Variants in EXOC4 observed in about 807,000 individuals in gnomAD.
EXOC4 encodes exocyst complex component 4, also known as SEC8-like 1.
A neutral mutation model predicts 107.2 loss-of-function variants in EXOC4; 71 were observed. That is an observed-to-expected ratio of 0.66 (90% CI 0.55 to 0.81). EXOC4 has a LOEUF of 0.81. Ranked by LOEUF, EXOC4 falls within the 30% of genes least tolerant of loss-of-function variation. The pLI, the probability that EXOC4 is intolerant of heterozygous loss-of-function variation, is 0.00. For synonymous variants in EXOC4, 456 were observed against 441.2 expected (o/e 1.03, Z -0.42); for missense variants, 1,108 against 1,189.6 (o/e 0.93, Z 1.01).
intron 6 of EXOC4, among the ~76,000 whole-genome samples, chr7:133,369,021 A>C (rs1214027173): frequency 2.0e-5 from 3 of 152,126 alleles, no homozygotes; most frequent in Admixed American, 2.0e-4. Context: ...CTTTTATTTA[A>C]TATTTTCTGT....
intron 11 of EXOC4, among the ~76,000 whole-genome samples, chr7:133,852,318 G>A (rs1798254730): frequency 6.6e-6 from 1 of 151,770 alleles, no homozygotes; most frequent in South Asian, 2.1e-4. Context: ...TGCCTCCCGG[G>A]TTCAAGCCAT....
At chr7:133,910,873 A>G (rs187710593) in intron 12 of EXOC4, among the ~76,000 whole-genome samples, 15 of 152,304 alleles carry the variant, frequency 9.8e-5, no homozygotes, top group Admixed American at 1.3e-4. Flanking sequence ...ATTGAATCCA[A>G]TTAGCCCCAC....
At chr7:133,654,125 G>A (rs375113135) in intron 10 of EXOC4, among the ~76,000 whole-genome samples, 4 of 152,080 alleles carry the variant, frequency 2.6e-5, no homozygotes, top group East Asian at 1.9e-4. Context: ...TTACAGCACC[G>A]GTTCTATGCA....
chr7:134,083,655 T>C, the EXOC4 span, among the ~76,000 whole-genome samples: 1 of 152,140 alleles, frequency 6.6e-6, no homozygotes, highest in South Asian at 2.1e-4. Flanking sequence ...TTCAGCAGGG[T>C]AGTCGGACTT....
chr7:133,786,279 C>T (rs1796567582), intron 10 of EXOC4, among the ~76,000 whole-genome samples: 1 of 152,140 alleles, frequency 6.6e-6, no homozygotes, highest in Non-Finnish European at 1.5e-5. Context: ...ATTACAAGAC[C>T]CAGTTATCGC....
chr7:133,315,632 A>G (rs954610137), intron 4 of EXOC4, among the ~76,000 whole-genome samples: 1 of 152,226 alleles, frequency 6.6e-6, no homozygotes, highest in Non-Finnish European at 1.5e-5. Flanking sequence ...TAGATAAACC[A>G]TTATGAAAAG....
intron 9 of EXOC4, among the ~76,000 whole-genome samples, chr7:133,527,935 G>A (rs1350541960): frequency 6.6e-6 from 1 of 152,168 alleles, no homozygotes; most frequent in African/African-American, 2.4e-5. Flanking sequence ...ATCTTTGAAT[G>A]TATCAGTCAT....
intron 9 of EXOC4, among the ~76,000 whole-genome samples, chr7:133,608,536 T>A (rs1337938248): frequency 6.7e-6 from 1 of 150,110 alleles, no homozygotes; most frequent in African/African-American, 2.5e-5. Context: ...GAAGTAAATA[T>A]GCTGTATTTC....
chr7:134,028,893 G>T lies in EXOC4; in HGVS notation c.2687+21058G>T, dbSNP rs186920348. 2.0e-5 allele frequency among the ~76,000 whole-genome samples: 3 copies of T among 152,316 alleles called. No individual in the cohort carries two copies. The East Asian group carries it at 5.8e-4, about 29-fold the overall frequency. On this transcript the variant is annotated intron_variant, in intron 17 of 17. Coordinates refer to ENST00000253861, the MANE Select transcript of EXOC4 (RefSeq NM_021807.4). ...GCTGAGAGGAATGTGGTCTAATCTA[G>T]ACACCTACTGGCTGCCTTGAAAGAG...
chr7:133,508,380 C>T (rs1486194642), intron 9 of EXOC4, among the ~76,000 whole-genome samples: 1 of 152,100 alleles, frequency 6.6e-6, no homozygotes, highest in Non-Finnish European at 1.5e-5. Flanking sequence ...TTTTATGATG[C>T]TGATGGAGGG....
At chr7:134,059,431 T>C (rs1156273772) in intron 17 of EXOC4, among the ~76,000 whole-genome samples, 1 of 152,056 alleles carries the variant, frequency 6.6e-6, no homozygotes, top group African/African-American at 2.4e-5. Flanking sequence ...TATCAACAAT[T>C]CATTTATACA....
chr7:133,492,812 AG>A (rs1799397205), intron 9 of EXOC4, among the ~76,000 whole-genome samples: 1 of 152,106 alleles, frequency 6.6e-6, no homozygotes, highest in Non-Finnish European at 1.5e-5. Context: ...ACTTTGTGCA[AG>A]TCACTTAACC....
chr7:133,625,954 C>A (rs1802443402), intron 9 of EXOC4, among the ~76,000 whole-genome samples: 1 of 152,136 alleles, frequency 6.6e-6, no homozygotes, highest in Non-Finnish European at 1.5e-5. Context: ...CAGCTGTAAT[C>A]CCAGCACTTT....
chr7:133,382,312 C>T (rs1199581264), intron 7 of EXOC4, among the ~76,000 whole-genome samples: 1 of 152,116 alleles, frequency 6.6e-6, no homozygotes, highest in Non-Finnish European at 1.5e-5. Context: ...GGTCCATCTG[C>T]CAGCCTAGTT....
chr7:133,538,022 A>T (rs1200300074), intron 9 of EXOC4, among the ~76,000 whole-genome samples: 3 of 152,158 alleles, frequency 2.0e-5, no homozygotes, highest in Non-Finnish European at 4.4e-5. Context: ...CTTGTGACTG[A>T]CAGGTATCTG....
chr7:134,078,479 G>T, the EXOC4 span, among the ~76,000 whole-genome samples: 1 of 151,876 alleles, frequency 6.6e-6, no homozygotes, highest in Non-Finnish European at 1.5e-5. Flanking sequence ...TTTTCCTTAG[G>T]AACTTTCTAT....
chr7:133,932,795 C>A (rs1800209208), intron 13 of EXOC4, among the ~76,000 whole-genome samples: 1 of 152,080 alleles, frequency 6.6e-6, no homozygotes, highest in African/African-American at 2.4e-5. Context: ...CTGCTCTGTT[C>A]TTTATTACAG....
intron 9 of EXOC4, among the ~76,000 whole-genome samples, chr7:133,510,881 A>G (rs980262467): frequency 6.6e-6 from 1 of 152,220 alleles, no homozygotes; most frequent in African/African-American, 2.4e-5. Flanking sequence ...TTCATTGCTC[A>G]TATGGTTTGG....
At chr7:133,789,933 A>T (rs1229106871) in intron 10 of EXOC4, among the ~76,000 whole-genome samples, 6 of 152,196 alleles carry the variant, frequency 3.9e-5, no homozygotes, top group East Asian at 1.9e-4. Context: ...GTATCCAAGG[A>T]CTTGCCCCTC....
Sources: gnomAD v4.1 joint callset for allele counts (sites outside exome capture counted in the v4.1 genomes callset) on GRCh38, gnomAD v4.1.1 for gene constraint, MANE v1.5 for transcripts, NCBI Gene and HGNC (gene_info 2026-07-23, HGNC 2026-07-21) for gene names.